Variants in CPT1A observed in about 807,000 individuals in gnomAD.
The protein encoded by CPT1A is carnitine O-palmitoyltransferase 1, liver isoform.
In CPT1A, 64 loss-of-function variants were observed where a neutral mutation model predicts 100.8. The ratio of observed to expected loss-of-function variants is 0.63; its 90% CI spans 0.52 to 0.78. The LOEUF (loss-of-function observed/expected upper bound fraction) is 0.78. Ranked by LOEUF, CPT1A falls within the 30% of genes least tolerant of loss-of-function variation. The probability of loss-of-function intolerance (pLI) is 0.00; values close to 1 mark genes in which losing one functional copy is unlikely to be tolerated. For missense variants in CPT1A, 802 were observed against 1,034.1 expected (o/e 0.78, Z 3.08); for synonymous variants, 363 against 396.0 (o/e 0.92, Z 0.99).
intron 1 of CPT1A, among the ~76,000 whole-genome samples, chr11:68,839,113 C>T (rs1015822455): frequency 7.2e-5 from 11 of 152,140 alleles, no homozygotes; most frequent in African/African-American, 2.4e-4. Flanking sequence ...CCACCAGCAA[C>T]AGAATTCTGG....
intron 1 of CPT1A, among the ~76,000 whole-genome samples, chr11:68,824,761 T>C (rs1856677278): frequency 6.7e-6 from 1 of 150,340 alleles, no homozygotes; most frequent in Non-Finnish European, 1.5e-5. Flanking sequence ...CTTTTATTGA[T>C]ACATCCTAAC....
rs533963605 is a variant in CPT1A, at chr11:68,814,330, A to G, written c.141+1004T>C. 5.3e-3 allele frequency among the ~76,000 whole-genome samples: 811 copies of G among 152,210 alleles called. 5 individuals carry two copies. Among genetic ancestry groups the G allele is most frequent in the Admixed American group, 7.8e-3 (120 of 15,294 alleles). ...TTTTTTTGTTTGTTTTTTTTGAGAC[A>G]GAGTCTCGCTCTCTCACCCAGGCTG... On this transcript the variant is annotated intron_variant, in intron 2 of 18. Coordinates refer to ENST00000265641, the MANE Select transcript of CPT1A (RefSeq NM_001876.4).
At chr11:68,780,544 A>G in intron 12 of CPT1A, 96 bp downstream of exon 12, 1 of 1,094,312 alleles carries the variant, frequency 9.1e-7, no homozygotes, top group Non-Finnish European at 1.4e-6. Context: ...TCGGCCTCCC[A>G]AAGTGCTGGG....
In CPT1A at chr11:68,798,006, G is replaced by GA. The variant is rs530222972; in HGVS notation, c.694-1074dup. ...ACTAAAGAAAATAAAAGAAAACAAA[G>GA]AAAAAACCAATGTTATGCAAAATTG... On this transcript the variant is annotated intron_variant, in intron 6 of 18. Transcript: ENST00000265641. Among the ~76,000 whole-genome samples, 399 of 152,216 alleles carry GA rather than the reference G, an allele frequency of 2.6e-3. 3 individuals are homozygous for GA. In the Middle Eastern group the frequency reaches 0.054, roughly 21 times the overall value.
chr11:68,843,612 G>A (rs1194783511), upstream of CPT1A, among the ~76,000 whole-genome samples: 1 of 152,208 alleles, frequency 6.6e-6, no homozygotes, highest in African/African-American at 2.4e-5. The surrounding 1 kb of genome is among the most constrained non-coding windows in gnomAD (Gnocchi z 4.0). Flanking sequence ...TAAAAGGAGG[G>A]GTGGGGGAGG....
At chr11:68,796,216 G>A (rs1566364885) in intron 7 of CPT1A, among the ~76,000 whole-genome samples, 1 of 152,280 alleles carries the variant, frequency 6.6e-6, no homozygotes, top group East Asian at 1.9e-4. Context: ...GGTTCTGCAG[G>A]GATCTTAAGG....
At chr11:68,777,663 T>C (rs1039148758) in intron 12 of CPT1A, among the ~76,000 whole-genome samples, 24 of 152,154 alleles carry the variant, frequency 1.6e-4, no homozygotes, top group Non-Finnish European at 1.5e-5. Flanking sequence ...TAAGATAAAA[T>C]CCCTTTATCC....
chr11:68,771,535 A>G (rs1211351104), intron 14 of CPT1A, among the ~76,000 whole-genome samples: 2 of 152,162 alleles, frequency 1.3e-5, no homozygotes, highest in East Asian at 3.9e-4. Context: ...TTAGTCAATG[A>G]TCTGTCACAG....
chr11:68,778,795 T>C (rs1014109449), intron 12 of CPT1A, among the ~76,000 whole-genome samples: 1 of 151,222 alleles, frequency 6.6e-6, no homozygotes, highest in Admixed American at 6.6e-5. Flanking sequence ...ATTTCTTTCT[T>C]TTTTTTTTGA....
intron 5 of CPT1A, among the ~76,000 whole-genome samples, chr11:68,800,278 A>G (rs1855869107): frequency 6.6e-6 from 1 of 152,218 alleles, no homozygotes; most frequent in South Asian, 2.1e-4. Context: ...TCAGAGGTGG[A>G]AACACAGAGA....
Position 68,812,543 on chromosome 11 carries a change from G to C in CPT1A, c.175C>G (p.Pro59Ala). Residue 59 changes from proline (P) to alanine (A), a missense_variant, in exon 3 of 19, where the codon CCC becomes GCC. This residue lies in a region of CPT1A where 161 missense variants were observed against 183.7 expected (regional missense o/e 0.88). Coordinates refer to ENST00000265641, the MANE Select transcript of CPT1A (RefSeq NM_001876.4). ...GIITGVYPAS[P>A]SSWLIVVVGV... ...ACCACCACGATAAGCCAACTGGAGG[G>C]GCTTGCCGGGTACACGCCAGTGATG... The C allele has an allele frequency of 6.2e-7, 1 of 1,614,142 alleles. No individual in the cohort carries two copies. Among genetic ancestry groups the C allele is most frequent in the Non-Finnish European group, 8.5e-7 (1 of 1,180,036 alleles).
rs201034164 is a variant in CPT1A at position 68,796,839 on chromosome 11, C to G, written c.771+17G>C. 5.8e-5 allele frequency: 93 copies of G among 1,612,736 alleles called. No individual in the cohort carries two copies. The highest frequency in any genetic ancestry group is 7.1e-5 in the Non-Finnish European group (84 of 1,179,378). ...CCACCGTCCTCGTCAGACAGCAGCCCGGGCGGGTGGACTCACCATGGCATA... is the reference window on the plus strand; with the variant it reads ...CCACCGTCCTCGTCAGACAGCAGCCGGGGCGGGTGGACTCACCATGGCATA... On this transcript the variant is annotated intron_variant, in intron 7 of 18. Coordinates refer to ENST00000265641, the MANE Select transcript of CPT1A (RefSeq NM_001876.4).
chr11:68,789,546 G>A (rs1239629254), intron 9 of CPT1A, among the ~76,000 whole-genome samples: 13 of 152,020 alleles, frequency 8.6e-5, no homozygotes, highest in Admixed American at 8.5e-4. Flanking sequence ...ACAGACATCT[G>A]CTATCACGCC....
At chr11:68,783,364 G>A (rs1480898020) in intron 10 of CPT1A, among the ~76,000 whole-genome samples, 1 of 149,830 alleles carries the variant, frequency 6.7e-6, no homozygotes, top group African/African-American at 2.4e-5. Flanking sequence ...ACCCTCCCCA[G>A]CTTGGCACCG....
chr11:68,781,608 A>G (rs1185220531), intron 11 of CPT1A, among the ~76,000 whole-genome samples, 163 bp downstream of exon 11: 1 of 152,208 alleles, frequency 6.6e-6, no homozygotes, highest in Non-Finnish European at 1.5e-5. Flanking sequence ...TGACAGAGCA[A>G]GACTCCATTT....
chr11:68,794,166 G>T (rs1032499298), intron 8 of CPT1A, among the ~76,000 whole-genome samples: 2 of 152,078 alleles, frequency 1.3e-5, no homozygotes, highest in African/African-American at 4.8e-5. Context: ...AAAGAAACTA[G>T]AATTCCGAAA....
At chr11:68,822,150 G>A (rs948922974) in intron 1 of CPT1A, among the ~76,000 whole-genome samples, 2 of 152,036 alleles carry the variant, frequency 1.3e-5, no homozygotes, top group Admixed American at 6.6e-5. Context: ...GGCCAAAGCA[G>A]AAAGACTGCT....
At chr11:68,768,371 G>C (rs114340863) in intron 14 of CPT1A, among the ~76,000 whole-genome samples, 2 of 151,700 alleles carry the variant, frequency 1.3e-5, no homozygotes, top group African/African-American at 4.8e-5. Context: ...CACTGTGCCC[G>C]GCCTGCCAGC....
chr11:68,817,102 TGTG>T (rs1370731025), intron 1 of CPT1A, among the ~76,000 whole-genome samples: 20 of 118,458 alleles, frequency 1.7e-4, no homozygotes, highest in Non-Finnish European at 3.2e-4. Flanking sequence ...GTGTGTGTGG[TGTG>T]TGTGTGTGGG....
Sources: allele counts gnomAD v4.1 joint callset (sites outside exome capture counted in the v4.1 genomes callset), GRCh38; gene constraint gnomAD v4.1.1; regional missense constraint gnomAD v4.1.1; non-coding constraint Gnocchi (gnomAD v3.1); transcripts MANE v1.5; gene names NCBI Gene and HGNC (gene_info 2026-07-23, HGNC 2026-07-21).